Variants in MACROD2 observed in about 807,000 individuals in gnomAD.
The protein encoded by MACROD2 is ADP-ribose glycohydrolase MACROD2.
In MACROD2, 36 loss-of-function variants were observed where a neutral mutation model predicts 70.4. The observed-to-expected ratio is 0.51, with a 90% confidence interval of 0.39 to 0.68. MACROD2 has a LOEUF of 0.68. MACROD2 is among the 30% of genes least tolerant of loss of function. The pLI is 0.00. For synonymous variants in MACROD2, 172 were observed against 178.8 expected, an observed-to-expected ratio of 0.96 and a Z score of 0.30; for missense variants, 496 against 538.4, an observed-to-expected ratio of 0.92 and a Z score of 0.78.
At chr20:14,627,013 G>A (rs1984209766) in intron 4 of MACROD2, 1 of 152,182 alleles carries the variant, frequency 6.6e-6, no homozygotes, top group Non-Finnish European at 1.5e-5. Context: ...GACCACCTGT[G>A]TTGGGAGCTA....
intron 3 of MACROD2, among the ~76,000 whole-genome samples, chr20:14,376,869 T>C (rs772242507): frequency 4.1e-4 from 63 of 151,850 alleles, no homozygotes; most frequent in Middle Eastern, 3.4e-3. Flanking sequence ...CCATGTGATA[T>C]TGGGAAAGTT....
chr20:14,732,204 G>A (rs2071607058), intron 5 of MACROD2, among the ~76,000 whole-genome samples: 4 of 152,258 alleles, frequency 2.6e-5, no homozygotes, highest in Non-Finnish European at 5.9e-5. Context: ...GGAGACTGTG[G>A]CTGGCGTCAT....
At chr20:14,176,937 A>T (rs959787832) in intron 3 of MACROD2, among the ~76,000 whole-genome samples, 1 of 152,226 alleles carries the variant, frequency 6.6e-6, no homozygotes, top group Admixed American at 6.5e-5. Context: ...TCCTGTTGAA[A>T]CAAAGATCAA....
intron 5 of MACROD2, among the ~76,000 whole-genome samples, chr20:14,800,159 T>C (rs2072557143): frequency 6.6e-6 from 1 of 152,088 alleles, no homozygotes; most frequent in Non-Finnish European, 1.5e-5. Flanking sequence ...TTTTTTTTTT[T>C]TCCTGCTCCA....
intron 3 of MACROD2, among the ~76,000 whole-genome samples, chr20:14,378,530 C>T (rs2083393662): frequency 6.6e-6 from 1 of 152,214 alleles, no homozygotes; most frequent in Non-Finnish European, 1.5e-5. Flanking sequence ...CTTTTCTCTA[C>T]TTAATCTCTC....
chr20:14,808,664 A>G (rs2072669958), intron 5 of MACROD2, among the ~76,000 whole-genome samples: 1 of 152,002 alleles, frequency 6.6e-6, no homozygotes, highest in Non-Finnish European at 1.5e-5. Context: ...GTCAAGACCC[A>G]TCATTGTGCT....
intron 3 of MACROD2, among the ~76,000 whole-genome samples, chr20:14,420,460 C>T (rs1376027404): frequency 6.6e-6 from 1 of 152,046 alleles, no homozygotes; most frequent in Non-Finnish European, 1.5e-5. Context: ...TTGCATTTCA[C>T]TGATAGATAG....
rs949637662 is a variant in MACROD2 at position 15,066,425 on chromosome 20, C to T, written c.419-163515C>T. 3.3e-5 allele frequency among the ~76,000 whole-genome samples: 5 copies of T among 152,020 alleles called. 1 individual carries two copies. In the South Asian group the frequency reaches 6.2e-4, roughly 19 times the overall value. ...CTGGGATGGCAGGTGTGAGCCACTG[C>T]GCCCAGCCAACAAGAGCTGCTGCTT... On this transcript the variant is annotated intron_variant, in intron 5 of 17. Coordinates refer to ENST00000684519, the MANE Select transcript of MACROD2 (RefSeq NM_001351661.2).
At chr20:14,774,011 T>C (rs949630493) in intron 5 of MACROD2, among the ~76,000 whole-genome samples, 17 of 152,102 alleles carry the variant, frequency 1.1e-4, no homozygotes, top group Non-Finnish European at 2.5e-4. Context: ...TATAATAGTT[T>C]TACAGATTGT....
At chr20:14,333,936 C>A (rs2082888896) in intron 3 of MACROD2, among the ~76,000 whole-genome samples, 1 of 152,160 alleles carries the variant, frequency 6.6e-6, no homozygotes, top group Admixed American at 6.5e-5. Context: ...GCCTCGGTAA[C>A]TTGTGCACAT....
chr20:14,394,688 T>G (rs548462162), intron 3 of MACROD2, among the ~76,000 whole-genome samples: 1 of 152,330 alleles, frequency 6.6e-6, no homozygotes, highest in African/African-American at 2.4e-5. Flanking sequence ...GGGGTAAAGC[T>G]TTCGGTCTTT....
At chr20:16,031,094 G>C (rs1398657498) in intron 15 of MACROD2, among the ~76,000 whole-genome samples, 1 of 151,908 alleles carries the variant, frequency 6.6e-6, no homozygotes, top group African/African-American at 2.4e-5. Flanking sequence ...TGACAATCCA[G>C]GAGAAAATAT....
chr20:15,579,964 C>G (rs1168155000), intron 8 of MACROD2, among the ~76,000 whole-genome samples: 1 of 152,128 alleles, frequency 6.6e-6, no homozygotes, highest in Non-Finnish European at 1.5e-5. Context: ...TGAGTACTTG[C>G]ATCACTTCCG....
chr20:15,227,801 C>G (rs969802446), intron 5 of MACROD2, among the ~76,000 whole-genome samples: 19 of 123,112 alleles, frequency 1.5e-4, no homozygotes, highest in African/African-American at 5.8e-4. Context: ...AGTAAGGTAA[C>G]TGGTGTGATA....
chr20:14,203,683 G>A (rs1041619757), intron 3 of MACROD2, among the ~76,000 whole-genome samples: 1 of 152,178 alleles, frequency 6.6e-6, no homozygotes, highest in African/African-American at 2.4e-5. Flanking sequence ...TTCCTTAGAG[G>A]CTTAGGCTGT....
At chr20:15,381,156 A>T (rs2146278232) in intron 6 of MACROD2, among the ~76,000 whole-genome samples, 1 of 152,150 alleles carries the variant, frequency 6.6e-6, no homozygotes, top group Non-Finnish European at 1.5e-5. Flanking sequence ...TGTATGCTAT[A>T]CCTCTTTTTA....
At chr20:15,437,400 A>G (rs931625796) in intron 7 of MACROD2, among the ~76,000 whole-genome samples, 2 of 152,106 alleles carry the variant, frequency 1.3e-5, no homozygotes, top group Non-Finnish European at 2.9e-5. Context: ...CTCTTCCCCA[A>G]TGCACACACA....
chr20:15,042,901 C>G (rs1018289495), intron 5 of MACROD2, among the ~76,000 whole-genome samples: 6 of 152,158 alleles, frequency 3.9e-5, no homozygotes, highest in African/African-American at 1.4e-4. Context: ...ACACTGTTTC[C>G]TTTTTGAGTC....
intron 7 of MACROD2, among the ~76,000 whole-genome samples, chr20:15,431,882 T>C (rs888635502): frequency 6.6e-6 from 1 of 151,978 alleles, no homozygotes; most frequent in South Asian, 2.1e-4. Flanking sequence ...TCCAAAGAAG[T>C]GACTTTTACT....
Sources: gnomAD v4.1 joint callset for allele counts (sites outside exome capture counted in the v4.1 genomes callset) on GRCh38, gnomAD v4.1.1 for gene constraint, MANE v1.5 for transcripts, NCBI Gene and HGNC (gene_info 2026-07-23, HGNC 2026-07-21) for gene names.